The following TAF1 variants were observed in gnomAD, a reference collection of about 807,000 sequenced individuals.
The protein encoded by TAF1 is TATA-box binding protein associated factor 1.
TAF1 carries 2 observed loss-of-function variants against 138.5 expected under a neutral mutation model. The observed-to-expected ratio is 0.01, with a 90% CI of 0.01 to 0.05. The LOEUF is 0.05. TAF1 is among the 10% of genes least tolerant of loss of function. The probability of loss-of-function intolerance (pLI) is 1.00; values close to 1 mark genes in which losing one functional copy is unlikely to be tolerated. For missense variants in TAF1, 709 were observed against 1,478.0 expected (o/e 0.48, Z 8.53); for synonymous variants, 437 against 503.2 (o/e 0.87, Z 1.76).
rs765947831 is a variant in TAF1 at position 71,368,031 on chromosome X, G to T, written c.236-23G>T. On this transcript the variant is annotated intron_variant, in intron 2 of 37. Transcript: ENST00000423759. ...AGTGAGGGTCGCTTACTGTTGTTGC[G>T]ATTCTCCCTGCTTTTTTCATAGGGT... 4.2e-6 allele frequency: 5 copies of T among 1,196,089 alleles called. No homozygotes were observed. The Admixed American group carries it at 1.1e-4, about 26-fold the overall frequency.
intron 32 of TAF1, among the ~76,000 whole-genome samples, chrX:71,442,134 A>G (rs893352705): frequency 8.9e-6 from 1 of 112,082 alleles, no homozygotes; most frequent in African/African-American, 3.2e-5. Flanking sequence ...ACATGTGTGC[A>G]TGTGTCTTTA....
chrX:71,394,045 A>T, intron 21 of TAF1, 22 bp from the exon 22 acceptor site: 2 of 1,184,244 alleles, frequency 1.7e-6, no homozygotes, highest in Non-Finnish European at 2.3e-6. Flanking sequence ...TTCTTTCTGC[A>T]CATTGCTTTT....
chrX:71,463,267 G>A (rs766761567), intron 37 of TAF1, among the ~76,000 whole-genome samples: 33 of 110,009 alleles, frequency 3.0e-4, no homozygotes, highest in African/African-American at 9.6e-4. Flanking sequence ...ACCAGTGAAC[G>A]TGCATTACTT....
intron 30 of TAF1, among the ~76,000 whole-genome samples, chrX:71,423,476 G>A (rs1004896762): frequency 5.4e-5 from 6 of 110,657 alleles, no homozygotes; most frequent in African/African-American, 1.6e-4. Flanking sequence ...GGAGGTTTTT[G>A]CTTCCTGTTG....
intron 32 of TAF1, among the ~76,000 whole-genome samples, chrX:71,445,729 T>C (rs1042028709): frequency 4.5e-5 from 5 of 112,048 alleles, no homozygotes; most frequent in African/African-American, 1.6e-4. Context: ...TTAAAACCCA[T>C]AGATCAATTT....
At chrX:71,459,525 C>G (rs200507072) in intron 35 of TAF1, 27 bp from the exon 36 acceptor site, 5 of 1,204,654 alleles carry the variant, frequency 4.2e-6, no homozygotes, top group Non-Finnish European at 5.6e-6. Context: ...GTTGATAGGA[C>G]TTTGACCCCC....
Position 71,502,114 on chromosome X carries a change from G to A in TAF1, c.1367-26428G>A, listed in dbSNP as rs181525800. Among the ~76,000 whole-genome samples the A allele has an allele frequency of 9.0e-5, 10 of 111,658 alleles. No homozygotes were observed. In the East Asian group the frequency reaches 2.3e-3, roughly 25 times the overall value. ...GGGACCTGAGCAGGTTGCTGCTACT[G>A]GCTGGGGTGGCCAGCTTTTATCCCC... On this transcript the variant is annotated intron_variant and NMD_transcript_variant, in intron 13 of 14. Coordinates refer to the TAF1 transcript ENST00000373775.
chrX:71,502,501 T>C (rs550107969), intron 13 of TAF1, among the ~76,000 whole-genome samples: 1 of 112,986 alleles, frequency 8.9e-6, no homozygotes, highest in South Asian at 3.6e-4. Flanking sequence ...GAAGTCCAGC[T>C]GGCTTCACCT....
At chrX:71,499,476 G>T (rs1347670756) in intron 13 of TAF1, among the ~76,000 whole-genome samples, 967 of 85,933 alleles carry the variant, frequency 0.011, no homozygotes, top group East Asian at 0.016. Flanking sequence ...GACCCTCGAG[G>T]GAGTCAGGTG....
rs746940485 is a variant in TAF1, at chrX:71,368,182, G to A, written c.352+12G>A. On this transcript the variant is annotated intron_variant, in intron 3 of 37. Transcript: ENST00000423759. ...CCTTTGCCACTCAGGTGATTCTTTG[G>A]TGTATTGGCTTGAACATTCCAGTGC... 73 of 1,203,560 alleles carry A rather than the reference G, an allele frequency of 6.1e-5. No individual in the cohort carries two copies. The highest frequency in any genetic ancestry group is 7.9e-5 in the Non-Finnish European group (70 of 889,810).
intron 13 of TAF1, among the ~76,000 whole-genome samples, chrX:71,477,985 C>G (rs925561038): frequency 1.8e-5 from 2 of 111,197 alleles, no homozygotes; most frequent in African/African-American, 6.5e-5. Context: ...TAGAGCAAGA[C>G]TCTGTTTCTA....
chrX:71,507,762 A>G (rs1255870701), intron 13 of TAF1, among the ~76,000 whole-genome samples: 1 of 111,085 alleles, frequency 9.0e-6, no homozygotes, highest in Non-Finnish European at 1.9e-5. Flanking sequence ...GCCAGAAGTG[A>G]TGTTTGAATT....
At chrX:71,410,914 C>G (rs1403070171) in intron 28 of TAF1, among the ~76,000 whole-genome samples, 1 of 111,215 alleles carries the variant, frequency 9.0e-6, no homozygotes, top group Non-Finnish European at 1.9e-5. Context: ...TCCTGAGTAA[C>G]TGGGATTATA....
chrX:71,403,451 A>G (rs2035287832), intron 25 of TAF1, among the ~76,000 whole-genome samples: 1 of 112,263 alleles, frequency 8.9e-6, no homozygotes, highest in Non-Finnish European at 1.9e-5. Flanking sequence ...GTTGTTGGCA[A>G]GACATTTAAT....
intron 13 of TAF1, among the ~76,000 whole-genome samples, chrX:71,508,554 A>G (rs184126421): frequency 1.2e-3 from 123 of 101,268 alleles, no homozygotes; most frequent in African/African-American, 4.4e-3. Flanking sequence ...GCAATAAGCC[A>G]TGATCACACC....
At chrX:71,502,943 GA>G (rs1221903326) in intron 13 of TAF1, among the ~76,000 whole-genome samples, 49 of 99,837 alleles carry the variant, frequency 4.9e-4, no homozygotes, top group Non-Finnish European at 2.0e-4. Flanking sequence ...TCTCAAAAAA[GA>G]AAAAAAAAAG....
chrX:71,368,832 C>T (rs1240209722), intron 3 of TAF1: 1 of 94,805 alleles, frequency 1.1e-5, no homozygotes, highest in East Asian at 3.5e-4. Flanking sequence ...AAAAAAAAAA[C>T]CCAATATAAA....
At chrX:71,429,292 G>A (rs2036760651) in intron 32 of TAF1, among the ~76,000 whole-genome samples, 1 of 110,320 alleles carries the variant, frequency 9.1e-6, no homozygotes, top group African/African-American at 3.3e-5. Flanking sequence ...AAAGCAGAAG[G>A]AAGCAGGGAA....
chrX:71,461,350 T>C (rs1021593118), intron 37 of TAF1, among the ~76,000 whole-genome samples: 6 of 111,423 alleles, frequency 5.4e-5, no homozygotes, highest in Non-Finnish European at 1.1e-4. Flanking sequence ...AAAGGCATGC[T>C]AAGACCTTTG....
Sources: allele counts gnomAD v4.1 joint callset (sites outside exome capture counted in the v4.1 genomes callset), GRCh38; gene constraint gnomAD v4.1.1; transcripts MANE v1.5; gene names NCBI Gene and HGNC (gene_info 2026-07-23, HGNC 2026-07-21).